Variants in ANXA6 observed in about 807,000 individuals in gnomAD.
ANXA6 encodes annexin A6.
ANXA6 carries 71 observed loss-of-function variants against 95.4 expected under a neutral mutation model. The ratio of observed to expected loss-of-function variants is 0.74; its 90% CI spans 0.61 to 0.91. ANXA6 has a LOEUF of 0.91. Among genes scored for constraint, ANXA6 ranks in the 40% least tolerant of loss-of-function variants. The pLI, the probability that ANXA6 is intolerant of heterozygous loss-of-function variation, is 0.00. For missense variants in ANXA6, 830 were observed against 876.4 expected (o/e 0.95, Z 0.67); for synonymous variants, 289 against 315.9 (o/e 0.91, Z 0.90).
At chr5:151,129,621 T>C (rs1582000532) in intron 11 of ANXA6, 92 bp from the exon 12 acceptor site, 10 of 1,423,558 alleles carry the variant, frequency 7.0e-6, no homozygotes, top group Non-Finnish European at 9.4e-6. Context: ...ATTTTCATAA[T>C]AAAAAGTTAA....
intron 17 of ANXA6, 135 bp downstream of exon 17, chr5:151,122,012 G>C (rs1581992118): frequency 1.9e-6 from 1 of 536,034 alleles, no homozygotes; most frequent in African/African-American, 2.0e-5. Flanking sequence ...ATCTCCTTTT[G>C]TGTTTATGCC....
intron 15 of ANXA6, 138 bp downstream of exon 15, chr5:151,124,148 G>C (rs984248423): frequency 2.7e-6 from 2 of 741,672 alleles, no homozygotes; most frequent in African/African-American, 1.7e-5. Context: ...AGCTAGGAGG[G>C]TGGAAACTTG....
Position 151,117,752 on chromosome 5 carries a change from A to C in ANXA6, c.1518+6T>G, listed in dbSNP as rs1251583034. On this transcript the variant is annotated splice_donor_region_variant and intron_variant, in intron 19 of 25. Transcript: ENST00000354546. Reference sequence around the variant, plus strand: ...AAGCCGACCTGGGGCCCATGAATTCACTCACCGTGGCCAGAGAAATGAGGA... The same window carrying C: ...AAGCCGACCTGGGGCCCATGAATTCCCTCACCGTGGCCAGAGAAATGAGGA... 1 of 1,612,712 alleles carries C rather than the reference A, an allele frequency of 6.2e-7. No homozygotes were observed. Among genetic ancestry groups the C allele is most frequent in the Non-Finnish European group, 8.5e-7 (1 of 1,179,104 alleles).
intron 14 of ANXA6, among the ~76,000 whole-genome samples, chr5:151,125,145 C>T (rs1165947500): frequency 1.3e-5 from 2 of 151,934 alleles, no homozygotes; most frequent in African/African-American, 4.8e-5. Context: ...TCGCTTGAGC[C>T]CATTGGTTCA....
rs1765996659 is a variant in ANXA6, at chr5:151,147,259, A to G, written c.18+625T>C. Among the ~76,000 whole-genome samples the G allele has an allele frequency of 3.9e-5, 6 of 152,356 alleles. No homozygotes were observed. The South Asian group carries it at 1.2e-3, about 32-fold the overall frequency. ...TCAATCCCAAATGGGTGTGACAGAG[A>G]ACATTTCTATATCCAGAGCAGAGAA... On this transcript the variant is annotated intron_variant, in intron 2 of 25. Coordinates refer to ENST00000354546, the MANE Select transcript of ANXA6 (RefSeq NM_001155.5).
chr5:151,148,219 C>T (rs1438115147), intron 1 of ANXA6, among the ~76,000 whole-genome samples: 2 of 152,154 alleles, frequency 1.3e-5, no homozygotes, highest in Admixed American at 6.6e-5. Context: ...GGCAGGGTAC[C>T]TGTCTCAGCA....
At chr5:151,104,212 C>T (rs1011892513) in intron 24 of ANXA6, among the ~76,000 whole-genome samples, 5 of 152,108 alleles carry the variant, frequency 3.3e-5, no homozygotes, top group Admixed American at 6.5e-5. Flanking sequence ...CCAACCCAGG[C>T]GACACCTTGA....
intron 1 of ANXA6, among the ~76,000 whole-genome samples, chr5:151,154,295 G>GTATATATATATA (rs58268342): frequency 2.9e-4 from 40 of 139,008 alleles, no homozygotes; most frequent in South Asian, 6.7e-4. Context: ...GCAGTTTGCA[G>GTATATATATATA]TATATATATA....
intron 4 of ANXA6, chr5:151,139,152 G>A (rs775716017): frequency 1.5e-5 from 9 of 592,332 alleles, no homozygotes; most frequent in African/African-American, 1.3e-4. Context: ...CACCTAGCAC[G>A]AGCCCAGCAT....
At position 151,137,212 on chromosome 5, in the gene ANXA6, C is replaced by T. The variant is rs928023870; in HGVS notation, c.409+19G>A. ...TTTTGTATCTGAAGATCCTAAGCGGCCCCTCCTGCCCATCTCACCATCTTT... is the reference window on the plus strand; with the variant it reads ...TTTTGTATCTGAAGATCCTAAGCGGTCCCTCCTGCCCATCTCACCATCTTT... On this transcript the variant is annotated intron_variant, in intron 6 of 25. Coordinates refer to ENST00000354546, the MANE Select transcript of ANXA6 (RefSeq NM_001155.5). 4 of 1,607,974 alleles carry T rather than the reference C, an allele frequency of 2.5e-6. No homozygotes were observed. Among genetic ancestry groups the T allele is most frequent in the Non-Finnish European group, 2.6e-6 (3 of 1,175,194 alleles).
In ANXA6 at chr5:151,122,919, G is replaced by A. The variant is rs1052357943; in HGVS notation, c.1231C>T (p.Arg411Trp). ...AGAGCCCAGGAGGAGGTCCTTACCC[G>A]GCCAAAGTGAGACTTGAAGGTCTGC... Reference protein sequence around the residue: ...IRQTFKSHFGRDLMTDLKSEI... With the variant: ...IRQTFKSHFGWDLMTDLKSEI... Residue 411 changes from arginine to tryptophan, a missense_variant and splice_region_variant, in exon 16 of 26, where the codon CGG becomes TGG. Coordinates refer to ENST00000354546, the MANE Select transcript of ANXA6 (RefSeq NM_001155.5). 1.2e-5 allele frequency: 19 copies of A among 1,613,672 alleles called. No individual in the cohort carries two copies. Among genetic ancestry groups the A allele is most frequent in the African/African-American group, 4.0e-5 (3 of 74,910 alleles).
chr5:151,128,914 C>G (rs1445076241), intron 12 of ANXA6, among the ~76,000 whole-genome samples: 1 of 148,490 alleles, frequency 6.7e-6, no homozygotes. Flanking sequence ...ATCTCTTTCT[C>G]TGTCACCCCA....
chr5:151,107,451 A>G (rs1424294913), intron 23 of ANXA6, among the ~76,000 whole-genome samples: 1 of 152,158 alleles, frequency 6.6e-6, no homozygotes, highest in African/African-American at 2.4e-5. Flanking sequence ...CGCCTCCTAG[A>G]TATTGCTCCT....
intron 2 of ANXA6, chr5:151,141,607 G>A (rs1011790212): frequency 2.2e-5 from 22 of 985,452 alleles, no homozygotes; most frequent in South Asian, 4.7e-5. Flanking sequence ...GCCTCCCAAC[G>A]TCTGCACTGC....
At position 151,105,958 on chromosome 5, in the gene ANXA6, A is replaced by G. The variant is rs1431651507; in HGVS notation, c.1781-655T>C. Among the ~76,000 whole-genome samples, 7 of 152,278 alleles carry G rather than the reference A, an allele frequency of 4.6e-5. No individual in the cohort carries two copies. In the East Asian group the frequency reaches 1.4e-3, roughly 29 times the overall value. On this transcript the variant is annotated intron_variant, in intron 23 of 25. Coordinates refer to ENST00000354546, the MANE Select transcript of ANXA6 (RefSeq NM_001155.5). Reference sequence around the variant, plus strand: ...ATGACTTTTGCACCAACCTAACAGCACTGAAAGCCTTGCGCAAATCAGGAT... The same window carrying G: ...ATGACTTTTGCACCAACCTAACAGCGCTGAAAGCCTTGCGCAAATCAGGAT...
intron 1 of ANXA6, among the ~76,000 whole-genome samples, chr5:151,156,167 G>A (rs745329751): frequency 1.3e-5 from 2 of 152,240 alleles, no homozygotes; most frequent in Non-Finnish European, 2.9e-5. Flanking sequence ...TGTCACAGCT[G>A]CAGAGGGGGA....
chr5:151,117,645 C>T (rs1765039524), intron 19 of ANXA6, 113 bp downstream of exon 19: 1 of 885,862 alleles, frequency 1.1e-6, no homozygotes, highest in Admixed American at 2.1e-5. Flanking sequence ...GAGACACCCC[C>T]TCTCCATCAG....
chr5:151,128,390 ATAAC>A lies in ANXA6; in HGVS notation c.919-155_919-152del, dbSNP rs1178025798. On this transcript the variant is annotated intron_variant, in intron 12 of 25. Coordinates refer to ENST00000354546, the MANE Select transcript of ANXA6 (RefSeq NM_001155.5). ...GCCCTCCTGTGCTGGTTAATATTGA[ATAAC>A]TGGTTCTCAGCGGGCAGGTTGGAGG... is the stretch of plus-strand genomic sequence containing the variant. The A allele has an allele frequency of 3.1e-5, 20 of 654,866 alleles. No homozygotes were observed. In the Admixed American group the frequency reaches 5.2e-4, roughly 17 times the overall value. 40.6% of individuals were successfully genotyped at this position (654,866 alleles called of 1,614,324 possible). A position where few individuals can be genotyped will look rare whatever the true frequency, so the allele number is the denominator to read the frequency against.
chr5:151,114,337 C>T (rs892773173), intron 20 of ANXA6, among the ~76,000 whole-genome samples: 10 of 152,036 alleles, frequency 6.6e-5, no homozygotes, highest in African/African-American at 2.4e-4. Flanking sequence ...CTGGGCCAGG[C>T]ATGGTGGCTC....
Sources: gnomAD v4.1 joint callset for allele counts (sites outside exome capture counted in the v4.1 genomes callset) on GRCh38, gnomAD v4.1.1 for gene constraint, MANE v1.5 for transcripts, NCBI Gene and HGNC (gene_info 2026-07-23, HGNC 2026-07-21) for gene names.